The following GADL1 variants were observed in gnomAD, a reference collection of about 807,000 sequenced individuals.
GADL1 encodes the protein GAD like acidic amino acid decarboxylase 1, also known as acidic amino acid decarboxylase GADL1.
GADL1 carries 71 observed loss-of-function variants against 69.5 expected under a neutral mutation model. The ratio of observed to expected loss-of-function variants is 1.02; its 90% CI spans 0.84 to 1.25. The LOEUF is 1.25. Among genes scored for constraint, GADL1 ranks in the 50% most tolerant of loss-of-function variants. The pLI, the probability that GADL1 is intolerant of heterozygous loss-of-function variation, is 0.00. For missense variants in GADL1, 737 were observed against 631.8 expected, an observed-to-expected ratio of 1.17 and a Z score of -1.79; for synonymous variants, 254 against 214.4, an observed-to-expected ratio of 1.18 and a Z score of -1.62.
At chr3:30,861,060 T>C (rs1264287415) in intron 2 of GADL1, among the ~76,000 whole-genome samples, 1 of 151,996 alleles carries the variant, frequency 6.6e-6, no homozygotes, top group Non-Finnish European at 1.5e-5. Flanking sequence ...GAATTTGAAA[T>C]CTACAACCAA....
intron 14 of GADL1, among the ~76,000 whole-genome samples, chr3:30,732,272 T>G (rs1695470158): frequency 7.2e-5 from 11 of 152,128 alleles, no homozygotes; most frequent in Admixed American, 7.2e-4. Flanking sequence ...GGGGCGCGCA[T>G]AGAGGAAAGC....
rs141149596 is a variant in GADL1 at position 30,803,440 on chromosome 3, C to A, written c.1051-2352G>T. Reference sequence around the variant, plus strand: ...CATTATGATTATAAATTTACTGTCACCAACCATGAAAGATTAAAAATCCCC... The same window carrying A: ...CATTATGATTATAAATTTACTGTCAACAACCATGAAAGATTAAAAATCCCC... On this transcript the variant is annotated intron_variant, in intron 11 of 14. Transcript: ENST00000282538. Among the ~76,000 whole-genome samples the A allele has an allele frequency of 6.7e-3, 1,005 of 150,296 alleles. 11 individuals carry two copies. The highest frequency in any genetic ancestry group is 0.017 in the South Asian group (81 of 4,802).
At chr3:30,870,694 G>A (rs1427057634) in intron 1 of GADL1, among the ~76,000 whole-genome samples, 1 of 151,672 alleles carries the variant, frequency 6.6e-6, no homozygotes, top group East Asian at 2.0e-4. Context: ...GGGAACTTTG[G>A]TCTGGATGGT....
chr3:30,842,877 A>T, intron 8 of GADL1, among the ~76,000 whole-genome samples: 1 of 151,424 alleles, frequency 6.6e-6, no homozygotes, highest in South Asian at 2.1e-4. Context: ...TACATCTGCA[A>T]TAATGGCAGA....
At chr3:30,765,114 C>T (rs528957380) in intron 14 of GADL1, among the ~76,000 whole-genome samples, 5 of 122,854 alleles carry the variant, frequency 4.1e-5, no homozygotes, top group Admixed American at 8.3e-5. Flanking sequence ...GCTAGATTTA[C>T]GCAAGACAGA....
intron 5 of GADL1, among the ~76,000 whole-genome samples, chr3:30,850,326 T>G (rs1454838082): frequency 2.0e-5 from 3 of 152,130 alleles, no homozygotes; most frequent in African/African-American, 7.2e-5. Context: ...TCTTAGAAGA[T>G]AAATTTTGGT....
chr3:30,844,397 T>C lies in GADL1; in HGVS notation c.721A>G (p.Thr241Ala). The C allele has an allele frequency of 6.2e-7, 1 of 1,612,970 alleles. No individual in the cohort carries two copies. The highest frequency in any genetic ancestry group is 8.5e-7 in the Non-Finnish European group (1 of 1,178,920). ...TCCTGTTCCCATTACCTTCCATCTG[T>C]TTCCACAAAGCAAACATTCTCAGTG... ...IGTENVCFVE[T>A]DGRGKMIPEE... Residue 241 changes from threonine to alanine, a missense_variant, in exon 7 of 15, where the codon ACA (threonine) becomes GCA (alanine). Transcript: ENST00000282538.
At chr3:30,776,053 C>T (rs761329669) in intron 14 of GADL1, among the ~76,000 whole-genome samples, 11 of 151,876 alleles carry the variant, frequency 7.2e-5, no homozygotes, top group Non-Finnish European at 1.5e-4. Flanking sequence ...GCCATTGCAC[C>T]CCAGCCTGGG....
At chr3:30,881,818 C>T (rs1436242292) in intron 1 of GADL1, among the ~76,000 whole-genome samples, 1 of 151,838 alleles carries the variant, frequency 6.6e-6, no homozygotes, top group African/African-American at 2.4e-5. Flanking sequence ...CCTTTAAATA[C>T]TATAAAAAGT....
At chr3:30,761,083 G>A (rs1353692148) in intron 14 of GADL1, among the ~76,000 whole-genome samples, 2 of 152,078 alleles carry the variant, frequency 1.3e-5, no homozygotes, top group Non-Finnish European at 2.9e-5. Context: ...AAAAGCTATC[G>A]GGTTTCATAT....
chr3:30,830,571 T>C (rs937393923), intron 11 of GADL1, among the ~76,000 whole-genome samples: 7 of 151,896 alleles, frequency 4.6e-5, no homozygotes, highest in Non-Finnish European at 8.8e-5. Flanking sequence ...TCCTTCCTCC[T>C]CTATCTAATC....
At chr3:30,833,554 C>T (rs1413748601) in intron 11 of GADL1, among the ~76,000 whole-genome samples, 1 of 151,956 alleles carries the variant, frequency 6.6e-6, no homozygotes, top group Non-Finnish European at 1.5e-5. Context: ...AAAATCTTGG[C>T]AATGTTTAAA....
At chr3:30,862,473 G>A (rs761561241) in intron 1 of GADL1, among the ~76,000 whole-genome samples, 18 of 151,994 alleles carry the variant, frequency 1.2e-4, no homozygotes, top group Non-Finnish European at 2.1e-4. Flanking sequence ...CTATAATTAA[G>A]GTAGCAAGCT....
At chr3:30,882,130 A>T (rs896733991) in intron 1 of GADL1, among the ~76,000 whole-genome samples, 2 of 151,742 alleles carry the variant, frequency 1.3e-5, no homozygotes, top group Non-Finnish European at 1.5e-5. Flanking sequence ...TAAAATATTT[A>T]TTTTTTTTAA....
chr3:30,867,102 T>G (rs552604101), intron 1 of GADL1, among the ~76,000 whole-genome samples: 196 of 152,148 alleles, frequency 1.3e-3, no homozygotes, highest in Non-Finnish European at 2.1e-3. Flanking sequence ...GGAGCCCATC[T>G]GAGGAAAGTG....
chr3:30,730,375 A>G (rs1695437470), intron 14 of GADL1, among the ~76,000 whole-genome samples: 1 of 152,222 alleles, frequency 6.6e-6, no homozygotes, highest in Non-Finnish European at 1.5e-5. Flanking sequence ...GGGGATGGCT[A>G]AACATCATTG....
At position 30,757,421 on chromosome 3, in the gene GADL1, C is replaced by T. The variant is rs545116468; in HGVS notation, c.1392+20758G>A. ...AAAAGCATAAATGCTTAGGACAATTCGCATGGAAAGTGAAAAGAATTAAAG... is the reference window on the plus strand; with the variant it reads ...AAAAGCATAAATGCTTAGGACAATTTGCATGGAAAGTGAAAAGAATTAAAG... On this transcript the variant is annotated intron_variant, in intron 14 of 14. Coordinates refer to ENST00000282538, the MANE Select transcript of GADL1 (RefSeq NM_207359.3). Among the ~76,000 whole-genome samples, 387 of 152,118 alleles carry T rather than the reference C, an allele frequency of 2.5e-3. 1 individual carries two copies. The highest frequency in any genetic ancestry group is 0.01 in the Middle Eastern group (3 of 294).
rs185632050 is a variant in GADL1 at position 30,837,793 on chromosome 3, G to A, written c.903+1204C>T. On this transcript the variant is annotated intron_variant, in intron 9 of 14. Coordinates refer to ENST00000282538, the MANE Select transcript of GADL1 (RefSeq NM_207359.3). ...CTTTTAGGATATAATGTATTGTTAT[G>A]CTTCTAAGTCTATAAAAATCAATAA... Among the ~76,000 whole-genome samples the A allele has an allele frequency of 1.5e-3, 234 of 152,072 alleles. 1 individual carries two copies. Among genetic ancestry groups the A allele is most frequent in the African/African-American group, 5.5e-3 (228 of 41,514 alleles).
At chr3:30,754,946 C>T (rs1446143070) in intron 14 of GADL1, among the ~76,000 whole-genome samples, 2 of 151,926 alleles carry the variant, frequency 1.3e-5, no homozygotes, top group South Asian at 2.1e-4. Flanking sequence ...ATTGAAAAAC[C>T]AAGAGACTTT....
Sources: gnomAD v4.1 joint callset for allele counts (sites outside exome capture counted in the v4.1 genomes callset) on GRCh38, gnomAD v4.1.1 for gene constraint, MANE v1.5 for transcripts, NCBI Gene and HGNC (gene_info 2026-07-23, HGNC 2026-07-21) for gene names.